SEMA5A: variants seen among roughly 807,000 people sequenced by gnomAD.
The protein encoded by SEMA5A is semaphorin-5A.
SEMA5A carries 55 observed loss-of-function variants against 135.5 expected under a neutral mutation model. The observed-to-expected ratio is 0.41, with a 90% CI of 0.33 to 0.51. The LOEUF (loss-of-function observed/expected upper bound fraction) is 0.51, where lower values mean the gene tolerates loss of function less well. Among genes scored for constraint, SEMA5A ranks in the 20% least tolerant of loss-of-function variants. The pLI, the probability that SEMA5A is intolerant of heterozygous loss-of-function variation, is 0.37. For synonymous variants in SEMA5A, 580 were observed against 546.5 expected, an observed-to-expected ratio of 1.06 and a Z score of -0.85; for missense variants, 1,290 against 1,419.9, an observed-to-expected ratio of 0.91 and a Z score of 1.47.
intron 11 of SEMA5A, among the ~76,000 whole-genome samples, chr5:9,164,188 GTATA>G (rs1363860669): frequency 3.1e-5 from 4 of 129,864 alleles, no homozygotes; most frequent in South Asian, 4.7e-4. Context: ...TAAATACATA[GTATA>G]TATAATTATA....
intron 1 of SEMA5A, among the ~76,000 whole-genome samples, chr5:9,467,759 G>A (rs1561277332): frequency 6.6e-6 from 1 of 152,172 alleles, no homozygotes; most frequent in African/African-American, 2.4e-5. Context: ...GTCTAGGCAG[G>A]CCTAAGCCCG....
chr5:9,052,174 T>G, intron 19 of SEMA5A, 146 bp from the exon 20 acceptor site: 1 of 878,262 alleles, frequency 1.1e-6, no homozygotes, highest in Admixed American at 3.3e-5. Context: ...TAAGATGTAG[T>G]TGTATCATCT....
At chr5:9,169,280 G>T (rs1304443915) in intron 11 of SEMA5A, among the ~76,000 whole-genome samples, 1 of 152,166 alleles carries the variant, frequency 6.6e-6, no homozygotes, top group Non-Finnish European at 1.5e-5. Context: ...GAATCAAGTT[G>T]CAGACCTCAA....
At chr5:9,231,493 A>C (rs938152012) in intron 6 of SEMA5A, among the ~76,000 whole-genome samples, 2 of 114,164 alleles carry the variant, frequency 1.8e-5, no homozygotes, top group South Asian at 5.7e-4. Flanking sequence ...AAAAAAAAAA[A>C]TGGAAATGAG....
intron 1 of SEMA5A, among the ~76,000 whole-genome samples, chr5:9,522,046 G>A (rs949627679): frequency 6.6e-5 from 10 of 152,020 alleles, no homozygotes; most frequent in African/African-American, 1.5e-4. Flanking sequence ...CAGCCTCCCC[G>A]TCGCATAGCC....
chr5:9,522,497 C>T (rs1175356239), intron 1 of SEMA5A, among the ~76,000 whole-genome samples: 5 of 152,168 alleles, frequency 3.3e-5, no homozygotes, highest in South Asian at 2.1e-4. Context: ...GCAGGAGAAT[C>T]GCTTAGGAGG....
At position 9,207,116 on chromosome 5, in the gene SEMA5A, A is replaced by ATATATATG. The variant is rs1554003362; in HGVS notation, c.647-4877_647-4876insCATATATA. ...AATGATCAAGTGTATATATATATAT[A>ATATATATG]TATATATATATATATATAAAGCTTA... On this transcript the variant is annotated intron_variant, in intron 8 of 22. Transcript: ENST00000382496. 4.4e-5 allele frequency among the ~76,000 whole-genome samples: 6 copies of ATATATATG among 135,282 alleles called. 1 individual carries two copies. The highest frequency in any genetic ancestry group is 9.5e-5 in the Non-Finnish European group (6 of 63,086). 88.8% of individuals were successfully genotyped at this position (135,282 alleles called of 152,430 possible).
intron 11 of SEMA5A, among the ~76,000 whole-genome samples, chr5:9,170,729 T>C (rs1743872594): frequency 6.6e-6 from 1 of 152,216 alleles, no homozygotes; most frequent in Non-Finnish European, 1.5e-5. Flanking sequence ...CCTGATTTCA[T>C]GGCTTTTCAT....
chr5:9,283,598 T>A (rs938608878), intron 5 of SEMA5A, among the ~76,000 whole-genome samples: 1 of 152,182 alleles, frequency 6.6e-6, no homozygotes, highest in African/African-American at 2.4e-5. Context: ...TAAGGTAAAT[T>A]AATTATGGTC....
At chr5:9,224,540 C>T in intron 8 of SEMA5A, 134 bp downstream of exon 8, 1 of 779,288 alleles carries the variant, frequency 1.3e-6, no homozygotes, top group Non-Finnish European at 2.1e-6. Context: ...TAGTCCTGAA[C>T]AAGCGACACT....
At chr5:9,304,395 T>G (rs1751758122) in intron 5 of SEMA5A, among the ~76,000 whole-genome samples, 1 of 152,140 alleles carries the variant, frequency 6.6e-6, no homozygotes, top group African/African-American at 2.4e-5. Flanking sequence ...TTGTGAATTC[T>G]TTATCGATCT....
chr5:9,103,651 G>A (rs1451430725), intron 16 of SEMA5A, among the ~76,000 whole-genome samples: 1 of 152,084 alleles, frequency 6.6e-6, no homozygotes, highest in African/African-American at 2.4e-5. Flanking sequence ...TACTAAGTCT[G>A]CTGTTCTTTG....
chr5:9,426,413 A>C (rs1757652662), intron 2 of SEMA5A, among the ~76,000 whole-genome samples: 1 of 150,106 alleles, frequency 6.7e-6, no homozygotes. Context: ...CAACAGAGCG[A>C]GACTCCATCT....
chr5:9,531,310 G>C (rs1055962960), intron 1 of SEMA5A, among the ~76,000 whole-genome samples: 1 of 152,198 alleles, frequency 6.6e-6, no homozygotes, highest in Non-Finnish European at 1.5e-5. Context: ...TGGTCTTCAG[G>C]CCACCTACAT....
chr5:9,366,709 T>G (rs1037134582), intron 3 of SEMA5A, among the ~76,000 whole-genome samples: 1 of 152,182 alleles, frequency 6.6e-6, no homozygotes, highest in South Asian at 2.1e-4. Context: ...TTCTATTGTG[T>G]TGTTGTTTGA....
rs770395573 is a variant in SEMA5A at position 9,054,179 on chromosome 5, C to T, written c.2597G>A (p.Arg866His). The T allele has an allele frequency of 3.2e-5, 51 of 1,613,848 alleles. No individual in the cohort carries two copies. Among genetic ancestry groups the T allele is most frequent in the Admixed American group, 1.0e-4 (6 of 59,994 alleles). ...TCGGGHYMRT[R>H]SCSNPAPAYG... ...GGCCGGGGCTGGATTGGAGCAAGAG[C>T]GGGTCCTCATATAGTGTCCACCGCC... is the stretch of plus-strand genomic sequence containing the variant. Residue 866 changes from arginine (R) to histidine (H), a missense_variant, in exon 19 of 23, where the codon CGC (arginine) becomes CAC (histidine). This residue lies in a region of SEMA5A where 1,029 missense variants were observed against 1,086.6 expected (regional missense o/e 0.95). Transcript: ENST00000382496.
chr5:9,094,169 T>C (rs935277062), intron 16 of SEMA5A, among the ~76,000 whole-genome samples: 2 of 152,214 alleles, frequency 1.3e-5, no homozygotes, highest in Non-Finnish European at 2.9e-5. Flanking sequence ...CACCAATTCT[T>C]TACACACAGT....
intron 10 of SEMA5A, among the ~76,000 whole-genome samples, chr5:9,191,441 T>C (rs1203940594): frequency 6.6e-6 from 1 of 152,220 alleles, no homozygotes; most frequent in Non-Finnish European, 1.5e-5. Flanking sequence ...ATGTCTTTCA[T>C]AAACTTTAAT....
chr5:9,044,047 T>C (rs1020506489), intron 22 of SEMA5A, among the ~76,000 whole-genome samples: 15 of 152,326 alleles, frequency 9.8e-5, no homozygotes, highest in Middle Eastern at 3.4e-3. Context: ...TCCCCAGATC[T>C]ACCATCTGAG....
Sources: allele counts gnomAD v4.1 joint callset (sites outside exome capture counted in the v4.1 genomes callset), GRCh38; gene constraint gnomAD v4.1.1; regional missense constraint gnomAD v4.1.1; transcripts MANE v1.5; gene names NCBI Gene and HGNC (gene_info 2026-07-23, HGNC 2026-07-21).